The following PRUNE2 variants were observed in gnomAD, a reference collection of about 807,000 sequenced individuals.
The protein encoded by PRUNE2 is protein prune homolog 2.
In PRUNE2, 164 loss-of-function variants were observed where a neutral mutation model predicts 252.0. That is an observed-to-expected ratio of 0.65 (90% CI 0.57 to 0.74). The LOEUF is 0.74. Among genes scored for constraint, PRUNE2 ranks in the 30% least tolerant of loss-of-function variants. PRUNE2 has a pLI of 0.00. For missense variants in PRUNE2, 3,495 were observed against 3,711.0 expected, an observed-to-expected ratio of 0.94 and a Z score of 1.51; for synonymous variants, 1,292 against 1,350.2, an observed-to-expected ratio of 0.96 and a Z score of 0.94.
chr9:76,776,499 C>CTTTTT, intron 6 of PRUNE2, among the ~76,000 whole-genome samples: 1 of 136,470 alleles, frequency 7.3e-6, no homozygotes. Flanking sequence ...ACCACATTTT[C>CTTTTT]TTTTTTTTTT....
In PRUNE2 at chr9:76,704,964, C is replaced by T. The variant is rs759754545; in HGVS notation, c.7310G>A (p.Arg2437Gln). The T allele has an allele frequency of 1.4e-5, 23 of 1,613,132 alleles. No homozygotes were observed. Among genetic ancestry groups the T allele is most frequent in the East Asian group, 4.5e-5 (2 of 44,856 alleles). ...CTCAGCCTGGTTTCCCTCACTTCTTCGATCAGGAAGTGCAGAAAGCACTAT... is the reference window on the plus strand; with the variant it reads ...CTCAGCCTGGTTTCCCTCACTTCTTTGATCAGGAAGTGCAGAAAGCACTAT... ...AEIVLSALPD[R>Q]RSEGNQAETK... Residue 2437 changes from arginine (R) to glutamine (Q), a missense_variant, in exon 8 of 19, where the codon CGA (arginine) becomes CAA (glutamine). Transcript: ENST00000376718.
chr9:76,718,161 G>A (rs2047325819), intron 6 of PRUNE2, among the ~76,000 whole-genome samples: 1 of 152,198 alleles, frequency 6.6e-6, no homozygotes, highest in South Asian at 2.1e-4. Context: ...CAGATGCAGT[G>A]AAACCTTTCA....
rs748768854 is a variant in PRUNE2, at chr9:76,708,659, G to A, written c.3615C>T (p.His1205=). 1.2e-6 allele frequency: 2 copies of A among 1,613,968 alleles called. No homozygotes were observed. The highest frequency in any genetic ancestry group is 1.1e-5 in the South Asian group (1 of 91,076). ...HTKDSAPSEH[H]TLNEKSGQLI... is the part of the protein sequence containing the mutation. ...GCTGCCCACTTTTCTCATTCAATGT[G>A]TGATGTTCACTGGGAGCACTGTCCT... is the stretch of plus-strand genomic sequence containing the variant. The change falls in exon 8 of 19, where the codon CAC becomes CAT. Residue 1205 remains histidine (H), a synonymous_variant. Transcript: ENST00000376718.
rs1162386020 is a variant in PRUNE2, at chr9:76,855,082, A to AATATAT, written c.37-880_37-875dup. Among the ~76,000 whole-genome samples, 158 of 109,372 alleles carry AATATAT rather than the reference A, an allele frequency of 1.4e-3. 1 individual carries two copies. The highest frequency in any genetic ancestry group is 2.1e-3 in the South Asian group (7 of 3,320). The allele number at this position is 109,372 out of a possible 152,430, so 71.8% of individuals were successfully genotyped here. On this transcript the variant is annotated intron_variant, in intron 1 of 18. Transcript: ENST00000376718. The stretch of plus-strand genomic sequence containing the variant: ...TCCATCTCAAAAAAAAAAAAAAAAA[A>AATATAT]ATATATATATATATATATATAGTCA...
chr9:76,733,415 AT>A (rs2048802571), intron 6 of PRUNE2, among the ~76,000 whole-genome samples: 1 of 151,776 alleles, frequency 6.6e-6, no homozygotes, highest in Non-Finnish European at 1.5e-5. Flanking sequence ...TCATTCATTC[AT>A]TCATCTATTT....
At chr9:76,837,121 G>T (rs2059028280) in intron 4 of PRUNE2, among the ~76,000 whole-genome samples, 1 of 148,766 alleles carries the variant, frequency 6.7e-6, no homozygotes. Flanking sequence ...AAATGAGGTT[G>T]CTAGACTAAA....
At chr9:76,619,120 C>A (rs1399616143) in intron 18 of PRUNE2, among the ~76,000 whole-genome samples, 1 of 152,170 alleles carries the variant, frequency 6.6e-6, no homozygotes, top group Non-Finnish European at 1.5e-5. Flanking sequence ...AAATAGAATG[C>A]CATGTCCACA....
intron 9 of PRUNE2, among the ~76,000 whole-genome samples, chr9:76,683,167 A>G (rs2043666205): frequency 1.3e-5 from 2 of 152,172 alleles, no homozygotes; most frequent in Non-Finnish European, 2.9e-5. Flanking sequence ...GGACTGACCA[A>G]TCAACAGAGT....
chr9:76,792,163 G>C (rs1047510794), intron 6 of PRUNE2, among the ~76,000 whole-genome samples: 3 of 152,096 alleles, frequency 2.0e-5, no homozygotes, highest in Non-Finnish European at 4.4e-5. Flanking sequence ...GGAGGGGCCT[G>C]GTGGGAGGTA....
At position 76,904,474 on chromosome 9, in the gene PRUNE2, T is replaced by C. The variant is rs145837970; in HGVS notation, c.36+1454A>G. 5.5e-3 allele frequency among the ~76,000 whole-genome samples: 844 copies of C among 152,334 alleles called. 10 individuals carry two copies. The highest frequency in any genetic ancestry group is 0.019 in the African/African-American group (796 of 41,566). ...ACAGCCCAGAACTCTGTGTTTGTCA[T>C]TGATTACCATTTTCATACACACACA... On this transcript the variant is annotated intron_variant, in intron 1 of 18. Transcript: ENST00000376718.
At chr9:76,641,999 A>AG in intron 12 of PRUNE2, 1 of 1,301,526 alleles carries the variant, frequency 7.7e-7, no homozygotes, top group Non-Finnish European at 1.0e-6. Context: ...AAATAAGAGA[A>AG]GTAAAAAAAA....
intron 9 of PRUNE2, among the ~76,000 whole-genome samples, chr9:76,702,315 C>T (rs775056810): frequency 2.6e-5 from 4 of 152,132 alleles, no homozygotes; most frequent in Non-Finnish European, 4.4e-5. Flanking sequence ...ACCTTGGGCT[C>T]CCAAGGTGTT....
Position 76,713,578 on chromosome 9 carries a change from C to T in PRUNE2, c.900G>A (p.Met300Ile). 1 of 1,610,750 alleles carries T rather than the reference C, an allele frequency of 6.2e-7. No homozygotes were observed. Among genetic ancestry groups the T allele is most frequent in the Non-Finnish European group, 8.5e-7 (1 of 1,178,550 alleles). ...RRQIAVYSEN[M>I]ELCSQICCEL... ...AGGGGCTCACCTGACTGCACAGCTCCATGTTTTCTGAGTACACAGCAATCT... is the reference window on the plus strand; with the variant it reads ...AGGGGCTCACCTGACTGCACAGCTCTATGTTTTCTGAGTACACAGCAATCT... Residue 300 changes from methionine (M) to isoleucine (I), a missense_variant, in exon 7 of 19, where the codon ATG becomes ATA. Physicochemically the swap from Met to Ile is conservative, Grantham distance 10. Transcript: ENST00000376718.
intron 6 of PRUNE2, among the ~76,000 whole-genome samples, chr9:76,783,000 C>T (rs185484607): frequency 2.0e-5 from 3 of 152,308 alleles, no homozygotes; most frequent in Admixed American, 6.5e-5. Context: ...CCCCATGTTA[C>T]GTGTCATTTT....
chr9:76,905,589 G>A (rs1011126191), intron 1 of PRUNE2, among the ~76,000 whole-genome samples: 1 of 152,148 alleles, frequency 6.6e-6, no homozygotes. Flanking sequence ...AGAAGGCTGG[G>A]CTCTTTATCT....
intron 1 of PRUNE2, among the ~76,000 whole-genome samples, chr9:76,858,073 A>G (rs147103990): frequency 8.3e-4 from 127 of 152,364 alleles, no homozygotes; most frequent in African/African-American, 3.0e-3. Flanking sequence ...AAACAGACAA[A>G]TCATGCCCAA....
At chr9:76,698,733 C>A (rs1035751150) in intron 9 of PRUNE2, among the ~76,000 whole-genome samples, 4 of 152,068 alleles carry the variant, frequency 2.6e-5, no homozygotes, top group African/African-American at 9.7e-5. Context: ...AGTCTGACTT[C>A]ACGAAAAACA....
intron 16 of PRUNE2, chr9:76,625,068 TA>T: frequency 7.7e-7 from 1 of 1,301,994 alleles, no homozygotes; most frequent in Non-Finnish European, 1.0e-6. Context: ...CCTTACAAGA[TA>T]AAAAACGAGT....
intron 1 of PRUNE2, among the ~76,000 whole-genome samples, chr9:76,904,195 T>C (rs888684035): frequency 3.3e-5 from 5 of 152,134 alleles, no homozygotes; most frequent in Non-Finnish European, 4.4e-5. Flanking sequence ...GACATGAAAC[T>C]GGTAACAATA....
Sources: allele counts gnomAD v4.1 joint callset (sites outside exome capture counted in the v4.1 genomes callset), GRCh38; gene constraint gnomAD v4.1.1; transcripts MANE v1.5; gene names NCBI Gene and HGNC (gene_info 2026-07-23, HGNC 2026-07-21).